CEP63: variants seen among roughly 807,000 people sequenced by gnomAD.
CEP63 encodes centrosomal protein of 63 kDa.
In CEP63, 84 loss-of-function variants were observed where a neutral mutation model predicts 89.1. The observed-to-expected ratio is 0.94, with a 90% CI of 0.79 to 1.13. The LOEUF is 1.13. Ranked by LOEUF, CEP63 falls within the 50% of genes most tolerant of loss-of-function variation. The pLI, the probability that CEP63 is intolerant of heterozygous loss-of-function variation, is 0.00. For synonymous variants in CEP63, 267 were observed against 272.5 expected, an observed-to-expected ratio of 0.98 and a Z score of 0.20; for missense variants, 838 against 813.3, an observed-to-expected ratio of 1.03 and a Z score of -0.37.
At chr3:134,685,068 CATAA>C in the CEP63 span, among the ~76,000 whole-genome samples, 1 of 152,136 alleles carries the variant, frequency 6.6e-6, no homozygotes, top group Admixed American at 6.5e-5. Flanking sequence ...TATGTTCTAA[CATAA>C]ATATTTTTTT....
the CEP63 span, among the ~76,000 whole-genome samples, chr3:134,772,508 C>T: frequency 6.7e-4 from 102 of 152,156 alleles, no homozygotes; most frequent in Non-Finnish European, 1.1e-3. Context: ...CCCTCTTCCC[C>T]TCCCCTCTTC....
At chr3:134,676,360 A>G in the CEP63 span, among the ~76,000 whole-genome samples, 1 of 152,316 alleles carries the variant, frequency 6.6e-6, no homozygotes, top group Non-Finnish European at 1.5e-5. Flanking sequence ...CTCCATTTGT[A>G]TGAAATGTAC....
the CEP63 span, among the ~76,000 whole-genome samples, chr3:134,625,540 G>A: frequency 6.6e-6 from 1 of 152,226 alleles, no homozygotes; most frequent in Non-Finnish European, 1.5e-5. Context: ...GGAGTGTCCA[G>A]GCAGTGCTGC....
At chr3:134,651,624 C>G in the CEP63 span, 1 of 987,256 alleles carries the variant, frequency 1.0e-6, no homozygotes. Context: ...GGAGCTCCCC[C>G]CAGTTACGGC....
At chr3:134,535,556 C>CT (rs1950618120) in intron 5 of CEP63, 1 of 146,754 alleles carries the variant, frequency 6.8e-6, no homozygotes, top group Admixed American at 7.0e-5. Flanking sequence ...AATTTCATAG[C>CT]TTTAACACTG....
chr3:134,485,991 G>GCCCCCCCCCCCCCCCCCCCC (rs5852785), upstream of CEP63: 1 of 846,592 alleles, frequency 1.2e-6, no homozygotes, highest in African/African-American at 1.9e-5. Context: ...CTCCTGCCAC[G>GCCCCCCCCCCCCCCCCCCCC]CCCCCCCCCC....
At chr3:134,592,889 C>A in the CEP63 span, among the ~76,000 whole-genome samples, 1 of 152,012 alleles carries the variant, frequency 6.6e-6, no homozygotes, top group African/African-American at 2.4e-5. Flanking sequence ...GAGTATATTG[C>A]AGTTGCTCCT....
the CEP63 span, among the ~76,000 whole-genome samples, chr3:134,665,398 C>T: frequency 6.6e-6 from 1 of 152,186 alleles, no homozygotes; most frequent in Non-Finnish European, 1.5e-5. Flanking sequence ...GGGAGCCTGG[C>T]CTGTTTCAAG....
chr3:134,537,204 A>G lies in CEP63; in HGVS notation c.491A>G (p.Gln164Arg), dbSNP rs762027715. Residue 164 changes from glutamine to arginine, a missense_variant, in exon 6 of 15, where the codon CAG becomes CGG. By Grantham distance (43) the Gln-to-Arg change is conservative. Coordinates refer to ENST00000675561, the MANE Select transcript of CEP63 (RefSeq NM_001353108.3). The part of the protein sequence containing the change: ...LDWEKQRLIY[Q>R]QQVSSLEAQR... ...TGGGAGAAGCAACGCTTGATTTATC[A>G]GCAACAGGTATCTTCACTGGAGGCA... The G allele has an allele frequency of 2.5e-5, 41 of 1,614,078 alleles. No homozygotes were observed. The Middle Eastern group carries it at 9.9e-4, about 39-fold the overall frequency.
the CEP63 span, among the ~76,000 whole-genome samples, chr3:134,653,512 G>A: frequency 6.6e-6 from 1 of 152,190 alleles, no homozygotes; most frequent in South Asian, 2.1e-4. Flanking sequence ...GCATAGATGA[G>A]ATGCTCTTCT....
chr3:134,508,662 C>T (rs542400151), intron 3 of CEP63, among the ~76,000 whole-genome samples: 5 of 152,250 alleles, frequency 3.3e-5, no homozygotes, highest in South Asian at 4.1e-4. Context: ...TTAGTTTTGA[C>T]GCCACGGGCA....
At chr3:134,696,168 G>A in the CEP63 span, among the ~76,000 whole-genome samples, 1 of 152,230 alleles carries the variant, frequency 6.6e-6, no homozygotes, top group Non-Finnish European at 1.5e-5. Flanking sequence ...GCCTGGCAAT[G>A]TCTGGTTCCA....
At chr3:134,737,303 A>C in the CEP63 span, among the ~76,000 whole-genome samples, 1 of 152,222 alleles carries the variant, frequency 6.6e-6, no homozygotes, top group Non-Finnish European at 1.5e-5. Flanking sequence ...GGTGATTTCA[A>C]TTCTATTACA....
intron 2 of CEP63, among the ~76,000 whole-genome samples, chr3:134,502,575 C>A (rs1046688173): frequency 9.2e-5 from 14 of 152,106 alleles, no homozygotes; most frequent in African/African-American, 2.9e-4. Context: ...AGGAATTTTT[C>A]CATTTCCTCT....
downstream of CEP63, among the ~76,000 whole-genome samples, chr3:134,588,810 C>G (rs1412959475): frequency 6.6e-6 from 1 of 151,960 alleles, no homozygotes; most frequent in East Asian, 1.9e-4. Flanking sequence ...ATTGATTGAA[C>G]CTCTGACTAG....
At chr3:134,720,978 T>C in the CEP63 span, among the ~76,000 whole-genome samples, 1 of 152,102 alleles carries the variant, frequency 6.6e-6, no homozygotes, top group South Asian at 2.1e-4. Flanking sequence ...AATTTCCACA[T>C]GAATTTAGCT....
the CEP63 span, chr3:134,608,575 A>T: frequency 6.2e-7 from 1 of 1,612,410 alleles, no homozygotes; most frequent in Non-Finnish European, 8.5e-7. Flanking sequence ...GCGCAGTCTC[A>T]GGCGGGCTCC....
the CEP63 span, among the ~76,000 whole-genome samples, chr3:134,710,421 C>T: frequency 2.6e-5 from 4 of 152,340 alleles, no homozygotes; most frequent in Admixed American, 1.3e-4. Context: ...ACTCCACAGG[C>T]TCACTGCAAG....
chr3:134,720,080 C>T, the CEP63 span, among the ~76,000 whole-genome samples: 1 of 152,120 alleles, frequency 6.6e-6, no homozygotes, highest in Non-Finnish European at 1.5e-5. Flanking sequence ...TTTTACATTC[C>T]AACCAGCAAT....
Sources: allele counts gnomAD v4.1 joint callset (sites outside exome capture counted in the v4.1 genomes callset), GRCh38; gene constraint gnomAD v4.1.1; transcripts MANE v1.5; gene names NCBI Gene and HGNC (gene_info 2026-07-23, HGNC 2026-07-21).